CCSER1: variants seen among roughly 807,000 people sequenced by gnomAD.
The protein encoded by CCSER1 is serine-rich coiled-coil domain-containing protein 1.
In CCSER1, 41 loss-of-function variants were observed where a neutral mutation model predicts 82.0. That is an observed-to-expected ratio of 0.50 (90% CI 0.39 to 0.65). The LOEUF is 0.65. CCSER1 is among the 30% of genes least tolerant of loss of function. The probability of loss-of-function intolerance (pLI) is 0.00; values close to 1 mark genes in which losing one functional copy is unlikely to be tolerated. For missense variants in CCSER1, 1,119 were observed against 1,064.2 expected (o/e 1.05, Z -0.72); for synonymous variants, 414 against 383.9 (o/e 1.08, Z -0.92).
intron 5 of CCSER1, among the ~76,000 whole-genome samples, chr4:90,600,953 A>T (rs548476327): frequency 7.1e-6 from 1 of 140,810 alleles, no homozygotes; most frequent in Admixed American, 6.9e-5. Flanking sequence ...ATTGTTAGTG[A>T]TATTATTTTA....
At chr4:91,364,739 A>G (rs1200027041) in intron 10 of CCSER1, among the ~76,000 whole-genome samples, 1 of 151,986 alleles carries the variant, frequency 6.6e-6, no homozygotes, top group Non-Finnish European at 1.5e-5. Context: ...AAGATTAATT[A>G]TTTTCTATTA....
intron 10 of CCSER1, among the ~76,000 whole-genome samples, chr4:91,205,024 ATAAAT>A (rs1736226934): frequency 1.3e-5 from 2 of 151,870 alleles, no homozygotes; most frequent in East Asian, 3.9e-4. Context: ...TTCCACACAG[ATAAAT>A]TAAAACAATA....
At chr4:90,857,004 A>T (rs1251881525) in intron 8 of CCSER1, among the ~76,000 whole-genome samples, 2 of 151,542 alleles carry the variant, frequency 1.3e-5, no homozygotes, top group Middle Eastern at 3.5e-3. Flanking sequence ...AACTACCATG[A>T]TAGGCATGCT....
At chr4:91,561,880 A>C (rs1451693257) in intron 10 of CCSER1, among the ~76,000 whole-genome samples, 1 of 151,472 alleles carries the variant, frequency 6.6e-6, no homozygotes. Flanking sequence ...TTCTATGGGT[A>C]TATCATGGGT....
intron 3 of CCSER1, among the ~76,000 whole-genome samples, chr4:90,313,739 A>G (rs1183615282): frequency 6.6e-6 from 1 of 152,084 alleles, no homozygotes; most frequent in Non-Finnish European, 1.5e-5. Flanking sequence ...GGGTGGGAAG[A>G]GATGAGGGGC....
intron 10 of CCSER1, among the ~76,000 whole-genome samples, chr4:91,252,871 C>T (rs1477442239): frequency 1.3e-5 from 2 of 151,896 alleles, no homozygotes. Flanking sequence ...GATAGTAATG[C>T]AGGAAATGAG....
intron 3 of CCSER1, among the ~76,000 whole-genome samples, chr4:90,333,285 C>A (rs899788800): frequency 2.6e-5 from 4 of 152,130 alleles, no homozygotes; most frequent in Non-Finnish European, 5.9e-5. Context: ...CTTGCCTACA[C>A]AGTTGTAACC....
intron 10 of CCSER1, among the ~76,000 whole-genome samples, chr4:91,219,973 T>G (rs1560524899): frequency 6.6e-6 from 1 of 152,148 alleles, no homozygotes; most frequent in Non-Finnish European, 1.5e-5. Flanking sequence ...AAATGTAAAT[T>G]TACTCAAAAC....
At chr4:91,128,832 C>T (rs965019705) in intron 10 of CCSER1, among the ~76,000 whole-genome samples, 11 of 151,970 alleles carry the variant, frequency 7.2e-5, no homozygotes, top group South Asian at 4.1e-4. Flanking sequence ...TTACATTCTA[C>T]GCCAAATATT....
intron 8 of CCSER1, among the ~76,000 whole-genome samples, chr4:90,891,968 C>A (rs1723024572): frequency 6.6e-6 from 1 of 152,080 alleles, no homozygotes; most frequent in African/African-American, 2.4e-5. Flanking sequence ...AAACCAACTT[C>A]ATTCTTGCTG....
chr4:91,578,780 A>C (rs1183597853), intron 10 of CCSER1, among the ~76,000 whole-genome samples: 1 of 151,900 alleles, frequency 6.6e-6, no homozygotes, highest in Non-Finnish European at 1.5e-5. Flanking sequence ...TGTATTAACA[A>C]TATTGATTAT....
At chr4:90,837,205 G>T (rs1412532719) in intron 8 of CCSER1, among the ~76,000 whole-genome samples, 8 of 152,186 alleles carry the variant, frequency 5.3e-5, no homozygotes, top group South Asian at 2.1e-4. Context: ...TCTGGAATTT[G>T]TCACTTTTAA....
chr4:91,157,911 C>T (rs917771583), intron 10 of CCSER1, among the ~76,000 whole-genome samples: 1 of 151,966 alleles, frequency 6.6e-6, no homozygotes, highest in African/African-American at 2.4e-5. Context: ...TAAATCATTT[C>T]TTCAGGCAAT....
At chr4:91,041,997 A>C (rs1337137686) in intron 9 of CCSER1, among the ~76,000 whole-genome samples, 2 of 152,158 alleles carry the variant, frequency 1.3e-5, no homozygotes, top group Non-Finnish European at 2.9e-5. Context: ...TGATGTGTTC[A>C]TTAAGCTTTT....
intron 6 of CCSER1, among the ~76,000 whole-genome samples, chr4:90,649,132 A>G (rs983599687): frequency 6.6e-6 from 1 of 152,222 alleles, no homozygotes; most frequent in Non-Finnish European, 1.5e-5. Context: ...TGTTGTGAAA[A>G]TAACAATCCT....
intron 9 of CCSER1, among the ~76,000 whole-genome samples, chr4:91,032,333 T>G (rs1222800897): frequency 2.0e-5 from 3 of 152,114 alleles, no homozygotes; most frequent in Non-Finnish European, 4.4e-5. Flanking sequence ...AATAAATAAT[T>G]CAAGGAAAAT....
At chr4:91,075,312 CAT>C (rs1490610823) in intron 9 of CCSER1, among the ~76,000 whole-genome samples, 1 of 151,764 alleles carries the variant, frequency 6.6e-6, no homozygotes, top group African/African-American at 2.4e-5. Context: ...GGTTTTGTCT[CAT>C]GTGATTAATT....
intron 9 of CCSER1, among the ~76,000 whole-genome samples, chr4:91,078,673 A>G (rs1482341632): frequency 6.6e-6 from 1 of 152,252 alleles, no homozygotes; most frequent in African/African-American, 2.4e-5. Flanking sequence ...CAAGAAGCTA[A>G]AAACCTTGAA....
chr4:91,275,105 A>G (rs112437861), intron 10 of CCSER1, among the ~76,000 whole-genome samples: 2,756 of 138,792 alleles, frequency 0.02, 88 homozygotes, highest in African/African-American at 0.075. Flanking sequence ...GACTCCGTCT[A>G]AAAAAAAAAA....
Sources: allele counts gnomAD v4.1 joint callset (sites outside exome capture counted in the v4.1 genomes callset), GRCh38; gene constraint gnomAD v4.1.1; transcripts MANE v1.5; gene names NCBI Gene and HGNC (gene_info 2026-07-23, HGNC 2026-07-21).